Variants in DHX40 observed in about 807,000 individuals in gnomAD.
DHX40 encodes the protein probable ATP-dependent RNA helicase DHX40.
A neutral mutation model predicts 89.6 loss-of-function variants in DHX40; 28 were observed. The ratio of observed to expected loss-of-function variants is 0.31; its 90% CI spans 0.23 to 0.43. The LOEUF (loss-of-function observed/expected upper bound fraction) is 0.43, where lower values mean the gene tolerates loss of function less well. Among genes scored for constraint, DHX40 ranks in the 20% least tolerant of loss-of-function variants. The pLI, the probability that DHX40 is intolerant of heterozygous loss-of-function variation, is 1.00. For missense variants in DHX40, 457 were observed against 844.0 expected (o/e 0.54, Z 5.68); for synonymous variants, 226 against 283.6 (o/e 0.80, Z 2.04).
chr17:59,566,555 T>A, intron 1 of DHX40, 72 bp from the exon 2 acceptor site: 2 of 1,415,674 alleles, frequency 1.4e-6, no homozygotes, highest in South Asian at 1.4e-5. Flanking sequence ...CCTTTCTGGT[T>A]TTAGTCATGA....
At chr17:59,603,632 G>C (rs1231808165) in intron 15 of DHX40, 1 of 152,098 alleles carries the variant, frequency 6.6e-6, no homozygotes, top group Non-Finnish European at 1.5e-5. Context: ...ATGTGAAATC[G>C]TGTCTATCGT....
At chr17:59,568,834 G>A (rs1426034376) in intron 2 of DHX40, among the ~76,000 whole-genome samples, 1 of 112,534 alleles carries the variant, frequency 8.9e-6, no homozygotes, top group Non-Finnish European at 1.6e-5. Context: ...TATATGGAAG[G>A]TGCATATATA....
At position 59,566,639 on chromosome 17, in the gene DHX40, G is replaced by A. The variant is rs1403896897; in HGVS notation, c.125G>A (p.Cys42Tyr). The change falls in exon 2 of 18, where the codon TGC becomes TAC. Residue 42 changes from cysteine (C) to tyrosine (Y), a missense_variant. Coordinates refer to ENST00000251241, the MANE Select transcript of DHX40 (RefSeq NM_024612.5). ...VCIADREEKGCTSQEGGTTPT... is the reference protein window; with the variant it reads ...VCIADREEKGYTSQEGGTTPT... The stretch of plus-strand genomic sequence containing the variant: ...TCTGTTATTACAGAAGAGAAAGGAT[G>A]CACGTCCCAGGAGGGAGGAACTACT... 3 of 1,584,986 alleles carry A rather than the reference G, an allele frequency of 1.9e-6. No individual in the cohort carries two copies. The Admixed American group carries it at 6.0e-5, about 32-fold the overall frequency.
chr17:59,574,462 C>T (rs2048852608), intron 6 of DHX40, among the ~76,000 whole-genome samples: 1 of 151,336 alleles, frequency 6.6e-6, no homozygotes, highest in South Asian at 2.1e-4. Flanking sequence ...ATGTCAAAGA[C>T]ATATGTTTAT....
Position 59,607,122 on chromosome 17 carries a change from A to C in DHX40, c.2290A>C (p.Lys764Gln). 2 of 1,614,220 alleles carry C rather than the reference A, an allele frequency of 1.2e-6. No individual in the cohort carries two copies. Among genetic ancestry groups the C allele is most frequent in the Non-Finnish European group, 1.7e-6 (2 of 1,180,032 alleles). The change falls in exon 18 of 18, where the codon AAG becomes CAG. Residue 764 changes from lysine (K) to glutamine (Q), a missense_variant. This residue lies in a region of DHX40 where 120 missense variants were observed against 161.7 expected (regional missense o/e 0.74). Transcript: ENST00000251241. ...TGCACGGGCTCGTTTCCTTGAGAGA[A>C]AGCAGCAGAGGACCCAGGACCACAG... ...SDARARFLER[K>Q]QQRTQDHSDT...
intron 12 of DHX40, among the ~76,000 whole-genome samples, chr17:59,588,392 T>G (rs2049032318): frequency 6.6e-6 from 1 of 151,300 alleles, no homozygotes; most frequent in South Asian, 2.1e-4. Context: ...ACATATAAGT[T>G]GCAATTGGTG....
chr17:59,578,866 T>C (rs1412002008), intron 8 of DHX40, among the ~76,000 whole-genome samples: 20 of 106,772 alleles, frequency 1.9e-4, no homozygotes, highest in African/African-American at 6.3e-4. Context: ...TCATATAATA[T>C]GTGGCCTTCT....
chr17:59,607,218 A>G lies in DHX40; in HGVS notation c.*46A>G. On this transcript the variant is annotated 3_prime_UTR_variant, in exon 18 of 18. Transcript: ENST00000251241. ...AGGAAGTGGGAAAAGGAGCCAGGAA[A>G]TGTGCTTCTACTTTGCCAGTTATTT... is the stretch of plus-strand genomic sequence containing the variant. 1 of 1,614,192 alleles carries G rather than the reference A, an allele frequency of 6.2e-7. No individual in the cohort carries two copies. Among genetic ancestry groups the G allele is most frequent in the Non-Finnish European group, 8.5e-7 (1 of 1,180,036 alleles).
intron 2 of DHX40, among the ~76,000 whole-genome samples, chr17:59,569,224 C>A (rs915552954): frequency 6.6e-6 from 1 of 151,788 alleles, no homozygotes; most frequent in Non-Finnish European, 1.5e-5. Flanking sequence ...GTTACTCAGG[C>A]GGCTGAGGCA....
At chr17:59,596,250 G>A (rs2531942) in intron 12 of DHX40, among the ~76,000 whole-genome samples, 41 of 152,008 alleles carry the variant, frequency 2.7e-4, no homozygotes, top group African/African-American at 7.0e-4. Context: ...TTAGGTGCTT[G>A]AAATGAAATA....
intron 8 of DHX40, 101 bp downstream of exon 8, chr17:59,577,466 C>T: frequency 1.2e-6 from 1 of 818,346 alleles, no homozygotes; most frequent in Non-Finnish European, 2.0e-6. Context: ...CCACTAATTC[C>T]CTTCTCTCCT....
chr17:59,572,712 G>C (rs1225747886), intron 3 of DHX40, among the ~76,000 whole-genome samples: 2 of 152,188 alleles, frequency 1.3e-5, no homozygotes, highest in African/African-American at 4.8e-5. Flanking sequence ...GAAGAGGAGA[G>C]AGTGGGTGGA....
chr17:59,568,862 A>G (rs2048746055), intron 2 of DHX40, among the ~76,000 whole-genome samples: 1 of 149,920 alleles, frequency 6.7e-6, no homozygotes, highest in African/African-American at 2.4e-5. Context: ...ATAAATATAG[A>G]TATATATATT....
Position 59,605,438 on chromosome 17 carries a change from T to C in DHX40, c.1972-8T>C, listed in dbSNP as rs748181717. 49 of 1,608,198 alleles carry C rather than the reference T, an allele frequency of 3.0e-5. No homozygotes were observed. Among genetic ancestry groups the C allele is most frequent in the Non-Finnish European group, 4.2e-5 (49 of 1,175,404 alleles). On this transcript the variant is annotated splice_region_variant and splice_polypyrimidine_tract_variant and intron_variant, in intron 16 of 17. Transcript: ENST00000251241. ...AGTTACCATCATTAAAAGAAATGTTTTGTATAGCTTCATGAACAGGAAACC... is the reference window on the plus strand; with the variant it reads ...AGTTACCATCATTAAAAGAAATGTTCTGTATAGCTTCATGAACAGGAAACC...
chr17:59,575,896 GT>G (rs201574680), intron 7 of DHX40, among the ~76,000 whole-genome samples: 3 of 148,670 alleles, frequency 2.0e-5, no homozygotes, highest in South Asian at 2.1e-4. Flanking sequence ...GGATTGTTTT[GT>G]TTTTTTTTTG....
At chr17:59,591,082 G>T (rs898616358) in intron 12 of DHX40, among the ~76,000 whole-genome samples, 1 of 151,478 alleles carries the variant, frequency 6.6e-6, no homozygotes, top group Non-Finnish European at 1.5e-5. Context: ...GCTGAGGCAG[G>T]TGGGTCACCT....
At chr17:59,576,965 A>C in intron 7 of DHX40, 1 of 345,554 alleles carries the variant, frequency 2.9e-6, no homozygotes, top group Non-Finnish European at 5.6e-6. Flanking sequence ...TGCCTCCCAG[A>C]TTCAAGCAAT....
At chr17:59,586,067 T>G (rs1338111701) in intron 10 of DHX40, 86 bp from the exon 11 acceptor site, 13 of 935,298 alleles carry the variant, frequency 1.4e-5, no homozygotes, top group Non-Finnish European at 1.6e-5. Context: ...AAATAAAACC[T>G]TTTAAAGAAA....
chr17:59,600,351 A>G (rs903000320), intron 14 of DHX40, among the ~76,000 whole-genome samples: 1 of 152,168 alleles, frequency 6.6e-6, no homozygotes. Flanking sequence ...AAAAATCTTA[A>G]AAATTTTGCT....
Sources: gnomAD v4.1 joint callset for allele counts (sites outside exome capture counted in the v4.1 genomes callset) on GRCh38, gnomAD v4.1.1 for gene constraint, gnomAD v4.1.1 regional missense constraint, MANE v1.5 for transcripts, NCBI Gene and HGNC (gene_info 2026-07-23, HGNC 2026-07-21) for gene names.